SHLD1: variants seen among roughly 807,000 people sequenced by gnomAD.
SHLD1 encodes the protein shieldin complex subunit 1.
SHLD1 carries 3 observed loss-of-function variants against 5.5 expected under a neutral mutation model. That is an observed-to-expected ratio of 0.54 (90% CI 0.25 to 1.40). SHLD1 has a LOEUF of 1.40. Ranked by LOEUF, SHLD1 falls within the 40% of genes most tolerant of loss-of-function variation. The pLI is 0.15. For synonymous variants in SHLD1, 92 were observed against 94.3 expected (o/e 0.98, Z 0.14); for missense variants, 210 against 244.4 (o/e 0.86, Z 0.94).
chr20:5,818,144 C>T (rs901071344), intron 2 of SHLD1, among the ~76,000 whole-genome samples: 1 of 151,438 alleles, frequency 6.6e-6, no homozygotes, highest in African/African-American at 2.4e-5. Flanking sequence ...AGCACTATCT[C>T]GGCTCACTGC....
chr20:5,822,133 C>T lies in SHLD1; in HGVS notation c.179-40891C>T, dbSNP rs569011802. ...ACTAACATTTACTGCTTCAGTTGTT[C>T]ATTTAATTTAATTTTCTTGAGAGAT... On this transcript the variant is annotated intron_variant, in intron 2 of 2. Transcript: ENST00000303142. 4.6e-5 allele frequency among the ~76,000 whole-genome samples: 7 copies of T among 152,262 alleles called. No individual in the cohort carries two copies. The South Asian group carries it at 1.4e-3, about 32-fold the overall frequency.
chr20:5,788,840 T>C (rs912549127), intron 2 of SHLD1, among the ~76,000 whole-genome samples: 1 of 152,206 alleles, frequency 6.6e-6, no homozygotes, highest in African/African-American at 2.4e-5. Context: ...TAGTGATGTC[T>C]AATTTTTTTT....
At chr20:5,831,849 A>G (rs191219003) in intron 2 of SHLD1, among the ~76,000 whole-genome samples, 2 of 152,324 alleles carry the variant, frequency 1.3e-5, no homozygotes, top group Non-Finnish European at 2.9e-5. Context: ...CCTTCTACAG[A>G]GGGAAGCTCT....
chr20:5,777,544 G>A (rs1985486377), intron 2 of SHLD1, among the ~76,000 whole-genome samples: 1 of 151,636 alleles, frequency 6.6e-6, no homozygotes, highest in Non-Finnish European at 1.5e-5. Flanking sequence ...CTCAGCCTCT[G>A]AAGTAGTTAA....
intron 2 of SHLD1, among the ~76,000 whole-genome samples, chr20:5,792,599 T>C (rs529286653): frequency 8.9e-4 from 136 of 152,016 alleles, no homozygotes; most frequent in Non-Finnish European, 1.4e-3. Flanking sequence ...TTTGAATTTT[T>C]AGTAGAGACA....
intron 2 of SHLD1, among the ~76,000 whole-genome samples, chr20:5,860,053 T>TC (rs2088140051): frequency 6.6e-6 from 1 of 152,104 alleles, no homozygotes; most frequent in African/African-American, 2.4e-5. Flanking sequence ...TTGGTGGGCA[T>TC]CCCCCGCTCT....
intron 1 of SHLD1, among the ~76,000 whole-genome samples, chr20:5,769,222 G>GT (rs1426193092): frequency 6.6e-6 from 1 of 152,176 alleles, no homozygotes; most frequent in Non-Finnish European, 1.5e-5. Context: ...AAATATTCTT[G>GT]TAGGCCTTGA....
chr20:5,791,175 A>T (rs925391439), intron 2 of SHLD1, among the ~76,000 whole-genome samples: 10 of 152,172 alleles, frequency 6.6e-5, no homozygotes, highest in Non-Finnish European at 1.3e-4. Flanking sequence ...AAGGATTTTA[A>T]AGCAGCCATT....
intron 1 of SHLD1, among the ~76,000 whole-genome samples, chr20:5,764,787 C>T (rs1984733824): frequency 6.6e-6 from 1 of 152,102 alleles, no homozygotes; most frequent in Non-Finnish European, 1.5e-5. Context: ...TGAAGCAAGT[C>T]ATAGAAAGAG....
intron 2 of SHLD1, among the ~76,000 whole-genome samples, chr20:5,859,305 G>T (rs1005166904): frequency 3.9e-5 from 6 of 152,128 alleles, no homozygotes; most frequent in Middle Eastern, 3.2e-3. Context: ...GGACATTATT[G>T]GTATTTGGGA....
chr20:5,816,089 GA>G (rs141881349), intron 2 of SHLD1, among the ~76,000 whole-genome samples: 2,135 of 86,336 alleles, frequency 0.025, 22 homozygotes, highest in African/African-American at 0.07. Context: ...TCAAAAAAAC[GA>G]AAAAAAAAAA....
intron 2 of SHLD1, among the ~76,000 whole-genome samples, chr20:5,846,729 G>C (rs193114464): frequency 2.6e-5 from 4 of 152,182 alleles, no homozygotes; most frequent in Non-Finnish European, 2.9e-5. Flanking sequence ...GGACGGGATC[G>C]GGGGAACCAT....
intron 2 of SHLD1, among the ~76,000 whole-genome samples, chr20:5,779,699 T>C (rs958663865): frequency 6.6e-6 from 1 of 152,160 alleles, no homozygotes. Context: ...AGGTTTCCAG[T>C]TGGAGGGTCA....
rs1362718197 is a variant in SHLD1 at position 5,847,454 on chromosome 20, G to C, written c.179-15570G>C. Among the ~76,000 whole-genome samples the C allele has an allele frequency of 2.6e-5, 4 of 152,060 alleles. No homozygotes were observed. In the South Asian group the frequency reaches 8.3e-4, roughly 31 times the overall value. On this transcript the variant is annotated intron_variant, in intron 2 of 2. Coordinates refer to ENST00000303142, the MANE Select transcript of SHLD1 (RefSeq NM_152504.4). ...GTTTCACCCTCACCTTCTTTTTATC[G>C]CTTTCCATGTAAGAGACGGAAATAA...
At position 5,855,007 on chromosome 20, in the gene SHLD1, G is replaced by A. The variant is rs534641295; in HGVS notation, c.179-8017G>A. Among the ~76,000 whole-genome samples the A allele has an allele frequency of 2.0e-5, 3 of 151,928 alleles. No individual in the cohort carries two copies. Among genetic ancestry groups the A allele is most frequent in the East Asian group, 1.9e-4 (1 of 5,164 alleles). On this transcript the variant is annotated intron_variant, in intron 2 of 2. Coordinates refer to ENST00000303142, the MANE Select transcript of SHLD1 (RefSeq NM_152504.4). This position sits in a 1 kb window ranked among gnomAD's most constrained non-coding sequence, Gnocchi z 4.4. ...TCCCACCTCAGCCTCCCAAGTAGCC[G>A]GGACTACAGGCATGAACCACCATGG...
At chr20:5,817,473 T>TGTGTGTGTGTGTG (rs2087551252) in intron 2 of SHLD1, among the ~76,000 whole-genome samples, 4 of 145,936 alleles carry the variant, frequency 2.7e-5, no homozygotes, top group African/African-American at 7.6e-5. Context: ...TGTGTGTGTG[T>TGTGTGTGTGTGTG]TGGGATTACA....
chr20:5,822,735 C>G (rs1167651931), intron 2 of SHLD1, among the ~76,000 whole-genome samples: 2 of 152,148 alleles, frequency 1.3e-5, no homozygotes, highest in East Asian at 3.9e-4. Flanking sequence ...CCACCGTTAA[C>G]CCCTCACTCC....
intron 2 of SHLD1, among the ~76,000 whole-genome samples, chr20:5,812,357 A>C (rs2087471318): frequency 6.6e-6 from 1 of 152,138 alleles, no homozygotes; most frequent in African/African-American, 2.4e-5. Context: ...CTATGTATCC[A>C]GTATACAATG....
chr20:5,852,358 C>T (rs1179630935), intron 2 of SHLD1, among the ~76,000 whole-genome samples: 2 of 151,950 alleles, frequency 1.3e-5, no homozygotes, highest in Admixed American at 6.6e-5. Flanking sequence ...TTGGACAGTA[C>T]AGATCTAGAT....
Sources: allele counts gnomAD v4.1 joint callset (sites outside exome capture counted in the v4.1 genomes callset), GRCh38; gene constraint gnomAD v4.1.1; non-coding constraint Gnocchi (gnomAD v3.1); transcripts MANE v1.5; gene names NCBI Gene and HGNC (gene_info 2026-07-23, HGNC 2026-07-21).